Variants in PTDSS1 observed in about 807,000 individuals in gnomAD.
PTDSS1 encodes phosphatidylserine synthase 1, also known as PSS-1.
PTDSS1 carries 45 observed loss-of-function variants against 70.5 expected under a neutral mutation model. The ratio of observed to expected loss-of-function variants is 0.64; its 90% CI spans 0.50 to 0.82. PTDSS1 has a LOEUF of 0.82. Among genes scored for constraint, PTDSS1 ranks in the 40% least tolerant of loss-of-function variants. The pLI, the probability that PTDSS1 is intolerant of heterozygous loss-of-function variation, is 0.00. For missense variants in PTDSS1, 417 were observed against 586.1 expected, an observed-to-expected ratio of 0.71 and a Z score of 2.98; for synonymous variants, 188 against 203.8, an observed-to-expected ratio of 0.92 and a Z score of 0.66.
intron 2 of PTDSS1, among the ~76,000 whole-genome samples, chr8:96,275,805 G>GC (rs1319285163): frequency 6.6e-6 from 1 of 152,160 alleles, no homozygotes; most frequent in Non-Finnish European, 1.5e-5. Flanking sequence ...ATTCCCCTCA[G>GC]CCATTCTACC....
In PTDSS1 at chr8:96,309,565, A is replaced by G. The variant is rs1188091614; in HGVS notation, c.1016A>G (p.Tyr339Cys). The G allele has an allele frequency of 6.2e-7, 1 of 1,614,030 alleles. No homozygotes were observed. The highest frequency in any genetic ancestry group is 8.5e-7 in the Non-Finnish European group (1 of 1,179,964). Reference sequence around the variant, plus strand: ...CAACTTTGTTCTTTCAGACAGTACTACGCTTACCTCACCGACACACAGTGC... The same window carrying G: ...CAACTTTGTTCTTTCAGACAGTACTGCGCTTACCTCACCGACACACAGTGC... The part of the protein sequence containing the change: ...GITAPTVRQY[Y>C]AYLTDTQCKR... Residue 339 changes from tyrosine (Y) to cysteine (C), a missense_variant, in exon 9 of 13, where the codon TAC (tyrosine) becomes TGC (cysteine). Physicochemically the swap from Tyr to Cys is radical, Grantham distance 194 (BLOSUM62 -2). This residue lies in a region of PTDSS1 where 272 missense variants were observed against 429.5 expected (regional missense o/e 0.63). Coordinates refer to ENST00000517309, the MANE Select transcript of PTDSS1 (RefSeq NM_014754.3).
At chr8:96,287,798 T>A (rs1810845469) in intron 4 of PTDSS1, among the ~76,000 whole-genome samples, 1 of 152,242 alleles carries the variant, frequency 6.6e-6, no homozygotes, top group African/African-American at 2.4e-5. Context: ...TTTTGGCTTT[T>A]ACTGAAGAGA....
At chr8:96,299,041 GAA>G (rs1554584242) in intron 5 of PTDSS1, among the ~76,000 whole-genome samples, 7 of 117,568 alleles carry the variant, frequency 6.0e-5, no homozygotes, top group South Asian at 2.6e-4. Flanking sequence ...CTCTGTCTCA[GAA>G]AAAAAAAAAA....
intron 2 of PTDSS1, among the ~76,000 whole-genome samples, chr8:96,277,322 G>A (rs867328754): frequency 2.0e-5 from 3 of 152,240 alleles, no homozygotes; most frequent in Admixed American, 1.3e-4. Context: ...AGTGGAGATG[G>A]TGGGGAGTTG....
At position 96,333,803 on chromosome 8, in the gene PTDSS1, G is replaced by T. The variant is rs1811555790; in HGVS notation, c.*237G>T. On this transcript the variant is annotated 3_prime_UTR_variant, in exon 13 of 13. Coordinates refer to ENST00000517309, the MANE Select transcript of PTDSS1 (RefSeq NM_014754.3). ...GGGGTCTCTTCTAACTTCAGCACTTGACATGCGGTCACCGGTGGCAGCGCG... is the reference window on the plus strand; with the variant it reads ...GGGGTCTCTTCTAACTTCAGCACTTTACATGCGGTCACCGGTGGCAGCGCG... 2.9e-6 allele frequency: 2 copies of T among 696,366 alleles called. No individual in the cohort carries two copies. Among genetic ancestry groups the T allele is most frequent in the South Asian group, 3.0e-5 (2 of 66,498 alleles). 43.1% of individuals were successfully genotyped at this position (696,366 alleles called of 1,614,324 possible). A position where few individuals can be genotyped will look rare whatever the true frequency, so the allele number is the denominator to read the frequency against.
In PTDSS1 at chr8:96,320,255, T is replaced by C. The variant is rs776993295; in HGVS notation, c.1083T>C (p.Gly361=). The C allele has an allele frequency of 8.7e-6, 14 of 1,605,738 alleles. No individual in the cohort carries two copies. The Admixed American group carries it at 1.2e-4, about 13-fold the overall frequency. Residue 361 remains glycine, a synonymous_variant, in exon 10 of 13, where the codon GGT becomes GGC. Coordinates refer to ENST00000517309, the MANE Select transcript of PTDSS1 (RefSeq NM_014754.3). ...GTQCWVFGVI[G]FLEAIVCIKF... ...TTCTCTGTCTAATTAGGGTCATTGG[T>C]TTCCTGGAGGCCATTGTTTGCATAA...
chr8:96,288,333 CT>C (rs1200380644), intron 4 of PTDSS1, among the ~76,000 whole-genome samples: 1 of 151,194 alleles, frequency 6.6e-6, no homozygotes, highest in African/African-American at 2.4e-5. Context: ...TAGGCATGAT[CT>C]TTTTTTTTGA....
chr8:96,327,071 G>A (rs1811448524), intron 10 of PTDSS1, among the ~76,000 whole-genome samples: 1 of 152,178 alleles, frequency 6.6e-6, no homozygotes, highest in South Asian at 2.1e-4. Flanking sequence ...TTGGTTCAGG[G>A]GATTTGGGTT....
At chr8:96,263,603 C>T (rs1367076175) in intron 1 of PTDSS1, among the ~76,000 whole-genome samples, 2 of 152,210 alleles carry the variant, frequency 1.3e-5, no homozygotes, top group Non-Finnish European at 2.9e-5. Context: ...ACTTCTCTCC[C>T]AGTATTTTTA....
chr8:96,330,991 T>G (rs764016729), intron 11 of PTDSS1, 35 bp from the exon 12 acceptor site: 33 of 1,577,850 alleles, frequency 2.1e-5, no homozygotes, highest in Non-Finnish European at 2.8e-5. Flanking sequence ...AGGGAGTTCC[T>G]AAAATTCCTG....
rs1810426874 is a variant in PTDSS1 at position 96,262,690 on chromosome 8, AC to A, written c.179+473del. On this transcript the variant is annotated intron_variant, in intron 1 of 12. Transcript: ENST00000517309. This position sits in a 1 kb window ranked among gnomAD's most constrained non-coding sequence, Gnocchi z 4.4. The stretch of plus-strand genomic sequence containing the variant: ...GCACCATACACAGGCCCAGGACACA[AC>A]CTAGATCCCTTCCTGTGGAACTCCG... Among the ~76,000 whole-genome samples the A allele has an allele frequency of 6.6e-6, 1 of 151,960 alleles. No homozygotes were observed. Among genetic ancestry groups the A allele is most frequent in the African/African-American group, 2.4e-5 (1 of 41,356 alleles).
chr8:96,298,648 A>C (rs1398625741), intron 5 of PTDSS1, among the ~76,000 whole-genome samples: 1 of 152,200 alleles, frequency 6.6e-6, no homozygotes, highest in African/African-American at 2.4e-5. Context: ...CCTCTCCAGG[A>C]AAGTTCCAGA....
At chr8:96,311,003 G>A (rs1331110553) in intron 9 of PTDSS1, among the ~76,000 whole-genome samples, 1 of 151,832 alleles carries the variant, frequency 6.6e-6, no homozygotes, top group Non-Finnish European at 1.5e-5. Flanking sequence ...TGAACCTCGT[G>A]ATCCACCCAC....
chr8:96,321,977 T>C (rs1811378355), intron 10 of PTDSS1, among the ~76,000 whole-genome samples: 1 of 152,192 alleles, frequency 6.6e-6, no homozygotes, highest in African/African-American at 2.4e-5. Context: ...TTCTCAGATA[T>C]GTCTCTGGCC....
chr8:96,264,809 G>A (rs895577633), intron 1 of PTDSS1, among the ~76,000 whole-genome samples: 1 of 152,150 alleles, frequency 6.6e-6, no homozygotes, highest in Non-Finnish European at 1.5e-5. Context: ...AATTTTAACA[G>A]CTTGTCCAAA....
intron 9 of PTDSS1, among the ~76,000 whole-genome samples, chr8:96,314,326 C>T (rs1207001249): frequency 6.6e-6 from 1 of 152,134 alleles, no homozygotes; most frequent in East Asian, 1.9e-4. Flanking sequence ...GGATTACAGG[C>T]ATTGGCCACG....
At chr8:96,296,941 T>C (rs1810984410) in intron 5 of PTDSS1, among the ~76,000 whole-genome samples, 1 of 152,210 alleles carries the variant, frequency 6.6e-6, no homozygotes, top group Admixed American at 6.5e-5. Context: ...GCATCTGCTG[T>C]ACCTTCTTTC....
At chr8:96,278,764 C>A (rs1810686455) in intron 2 of PTDSS1, among the ~76,000 whole-genome samples, 1 of 152,144 alleles carries the variant, frequency 6.6e-6, no homozygotes, top group African/African-American at 2.4e-5. Context: ...CTTCTGAGAA[C>A]TCCCTTTAAC....
chr8:96,271,439 C>T (rs1810564579), intron 1 of PTDSS1, among the ~76,000 whole-genome samples: 5 of 152,138 alleles, frequency 3.3e-5, no homozygotes, highest in Admixed American at 6.5e-5. Flanking sequence ...TTTCTTTACT[C>T]GGTCTCTTTT....
Sources: gnomAD v4.1 joint callset for allele counts (sites outside exome capture counted in the v4.1 genomes callset) on GRCh38, gnomAD v4.1.1 for gene constraint, gnomAD v4.1.1 regional missense constraint, Gnocchi (gnomAD v3.1) non-coding constraint, MANE v1.5 for transcripts, NCBI Gene and HGNC (gene_info 2026-07-23, HGNC 2026-07-21) for gene names.